URI1: variants seen among roughly 807,000 people sequenced by gnomAD.
URI1 encodes unconventional prefoldin RPB5 interactor 1.
URI1 carries 39 observed loss-of-function variants against 60.2 expected under a neutral mutation model. The observed-to-expected ratio is 0.65, with a 90% CI of 0.50 to 0.85. The LOEUF is 0.85. Ranked by LOEUF, URI1 falls within the 40% of genes least tolerant of loss-of-function variation. URI1 has a pLI of 0.00. For missense variants in URI1, 691 were observed against 665.9 expected (o/e 1.04, Z -0.42); for synonymous variants, 251 against 236.8 (o/e 1.06, Z -0.55).
intron 1 of URI1, among the ~76,000 whole-genome samples, chr19:29,970,509 T>C (rs2055446056): frequency 6.6e-6 from 1 of 152,150 alleles, no homozygotes; most frequent in Non-Finnish European, 1.5e-5. Context: ...GAGAATCTAC[T>C]GACATATCTC....
intron 1 of URI1, among the ~76,000 whole-genome samples, chr19:29,924,431 C>T (rs1232787966): frequency 2.6e-5 from 4 of 152,162 alleles, no homozygotes; most frequent in Non-Finnish European, 4.4e-5. Flanking sequence ...GGTGTACTGG[C>T]GATCTAAACA....
upstream of URI1, among the ~76,000 whole-genome samples, chr19:29,939,432 G>A (rs150308641): frequency 4.6e-3 from 694 of 151,648 alleles, 6 homozygotes; most frequent in African/African-American, 0.016. Flanking sequence ...GTGCCACCAC[G>A]GCGGCTAATT....
chr19:29,933,202 C>T (rs2054937699), intron 1 of URI1, among the ~76,000 whole-genome samples: 1 of 152,160 alleles, frequency 6.6e-6, no homozygotes, highest in South Asian at 2.1e-4. Flanking sequence ...ATTTGTGTTA[C>T]TTCTTTAAAT....
upstream of URI1, chr19:29,942,116 C>T: frequency 1.4e-6 from 1 of 693,114 alleles, no homozygotes; most frequent in Non-Finnish European, 1.8e-6. Context: ...AGCGCGGACA[C>T]CGCCAGCCCC....
At chr19:29,927,238 A>G (rs1390096745) in intron 1 of URI1, among the ~76,000 whole-genome samples, 1 of 148,640 alleles carries the variant, frequency 6.7e-6, no homozygotes, top group Non-Finnish European at 1.5e-5. Flanking sequence ...TCCCATCAAG[A>G]GATGAAGTCT....
At chr19:30,012,928 C>G (rs561848309) in intron 10 of URI1, 22 of 162,492 alleles carry the variant, frequency 1.4e-4, no homozygotes, top group Non-Finnish European at 2.8e-4. Flanking sequence ...ATAATGCATG[C>G]ATAGCAGATA....
chr19:29,970,705 A>AT (rs34163094), intron 1 of URI1, among the ~76,000 whole-genome samples: 1 of 152,022 alleles, frequency 6.6e-6, no homozygotes, highest in Non-Finnish European at 1.5e-5. Flanking sequence ...CACTGAATTC[A>AT]TTTTTTAATG....
At chr19:29,974,553 A>G (rs1019382473) in intron 2 of URI1, among the ~76,000 whole-genome samples, 2 of 152,134 alleles carry the variant, frequency 1.3e-5, no homozygotes, top group Admixed American at 6.5e-5. Context: ...GTTCATTTCA[A>G]CATCTTATCT....
At chr19:29,951,615 T>A (rs1188405339) in intron 1 of URI1, among the ~76,000 whole-genome samples, 1 of 152,008 alleles carries the variant, frequency 6.6e-6, no homozygotes, top group Admixed American at 6.6e-5. Flanking sequence ...GGCACGATCT[T>A]GGCTCACTGC....
intron 1 of URI1, among the ~76,000 whole-genome samples, chr19:29,959,371 A>G (rs903430623): frequency 5.3e-5 from 8 of 152,188 alleles, no homozygotes; most frequent in Non-Finnish European, 1.0e-4. Flanking sequence ...CAAGCTATCC[A>G]TCTGCCTTGG....
chr19:29,942,261 C>A lies in URI1; in HGVS notation c.-287C>A, dbSNP rs909188176. 2 of 984,526 alleles carry A rather than the reference C, an allele frequency of 2.0e-6. No individual in the cohort carries two copies. Among genetic ancestry groups the A allele is most frequent in the African/African-American group, 1.8e-5 (1 of 57,070 alleles). The allele number at this position is 984,526 out of a possible 1,614,324, so 61.0% of individuals were successfully genotyped here. A position where few individuals can be genotyped will look rare whatever the true frequency, so the allele number is the denominator to read the frequency against. ...GGCGTGTGGGGAGGCGCGGCCGCCA[C>A]GCGACGCCTGGCTGGGCCCGCACCG... On this transcript the variant is annotated 5_prime_UTR_variant, in exon 1 of 11. Coordinates refer to ENST00000392271, the MANE Select transcript of URI1 (RefSeq NM_003796.3).
intron 4 of URI1, among the ~76,000 whole-genome samples, chr19:29,997,942 T>TA (rs1186656581): frequency 6.6e-6 from 1 of 152,138 alleles, no homozygotes; most frequent in African/African-American, 2.4e-5. Context: ...TTTTTGTATT[T>TA]TTAGTAGAGT....
intron 1 of URI1, among the ~76,000 whole-genome samples, chr19:29,924,569 C>T (rs544334500): frequency 6.6e-6 from 1 of 152,312 alleles, no homozygotes; most frequent in East Asian, 1.9e-4. Context: ...GGGGCCAGGC[C>T]CTCCGTCTGT....
At chr19:29,954,772 C>G (rs778838787) in intron 1 of URI1, among the ~76,000 whole-genome samples, 2 of 152,082 alleles carry the variant, frequency 1.3e-5, no homozygotes, top group Non-Finnish European at 2.9e-5. Context: ...CCCGCCTCAG[C>G]CTCCCAAAGT....
chr19:29,942,675 G>A lies in URI1; in HGVS notation c.117+11G>A. On this transcript the variant is annotated intron_variant, in intron 1 of 10. Transcript: ENST00000392271. Reference sequence around the variant, plus strand: ...GAGGAGCAGGAAAAGGTAACTAGCAGCCCCGCGCCGCTTCCGCCTCCGCCC... The same window carrying A: ...GAGGAGCAGGAAAAGGTAACTAGCAACCCCGCGCCGCTTCCGCCTCCGCCC... The A allele has an allele frequency of 1.4e-6, 2 of 1,380,568 alleles. No homozygotes were observed. The highest frequency in any genetic ancestry group is 2.4e-4 in the Middle Eastern group (1 of 4,182). 85.5% of individuals were successfully genotyped at this position (1,380,568 alleles called of 1,614,324 possible). A position where few individuals can be genotyped will look rare whatever the true frequency, so the allele number is the denominator to read the frequency against.
intron 1 of URI1, among the ~76,000 whole-genome samples, chr19:29,952,329 G>C (rs765618007): frequency 6.6e-6 from 1 of 152,194 alleles, no homozygotes; most frequent in Non-Finnish European, 1.5e-5. Flanking sequence ...AGATTATCCA[G>C]GTTCTTGCAT....
In URI1 at chr19:29,926,773, T is replaced by C. The variant is rs373651060; in HGVS notation, c.63+3019T>C. ...TGTTGAGCTTGACCCACCTTGGGGA[T>C]GCTCAGAGAAGGCTTCCCTGGAGAG... On this transcript the variant is annotated intron_variant, in intron 1 of 10. Transcript: ENST00000360605. Among the ~76,000 whole-genome samples, 9 of 152,342 alleles carry C rather than the reference T, an allele frequency of 5.9e-5. No homozygotes were observed. The East Asian group carries it at 9.6e-4, about 16-fold the overall frequency.
At chr19:29,987,539 A>G (rs1457711528) in intron 4 of URI1, among the ~76,000 whole-genome samples, 4 of 152,238 alleles carry the variant, frequency 2.6e-5, no homozygotes, top group Non-Finnish European at 1.5e-5. Flanking sequence ...GCGAAAGAGA[A>G]TGGGCATACT....
At chr19:29,995,838 T>C (rs1599713566) in intron 4 of URI1, among the ~76,000 whole-genome samples, 2 of 152,170 alleles carry the variant, frequency 1.3e-5, no homozygotes, top group East Asian at 3.8e-4. Context: ...GTTCCAGTTT[T>C]CTCAACACGA....
Sources: gnomAD v4.1 joint callset for allele counts (sites outside exome capture counted in the v4.1 genomes callset) on GRCh38, gnomAD v4.1.1 for gene constraint, MANE v1.5 for transcripts, NCBI Gene and HGNC (gene_info 2026-07-23, HGNC 2026-07-21) for gene names.